Variants in ERC1 observed in about 807,000 individuals in gnomAD.
ERC1 encodes the protein ELKS/RAB6-interacting/CAST family member 1, also known as RAB6 interacting protein 2.
Under a neutral mutation model 132.0 loss-of-function variants are expected in ERC1, and 56 were observed. The ratio of observed to expected loss-of-function variants is 0.42; its 90% confidence interval spans 0.34 to 0.53. The LOEUF (loss-of-function observed/expected upper bound fraction) is 0.53. Among genes scored for constraint, ERC1 ranks in the 20% least tolerant of loss-of-function variants. The pLI, the probability that ERC1 is intolerant of heterozygous loss-of-function variation, is 0.03. For synonymous variants in ERC1, 478 were observed against 476.1 expected (o/e 1.00, Z -0.05); for missense variants, 1,202 against 1,349.9 (o/e 0.89, Z 1.72).
Position 1,451,425 on chromosome 12 carries a change from C to T in ERC1, c.3213+6675C>T, listed in dbSNP as rs191424822. Among the ~76,000 whole-genome samples, 71 of 152,098 alleles carry T rather than the reference C, an allele frequency of 4.7e-4. 1 individual carries two copies. Among genetic ancestry groups the T allele is most frequent in the Non-Finnish European group, 1.6e-4 (11 of 68,008 alleles). On this transcript the variant is annotated intron_variant, in intron 18 of 18. Coordinates refer to ENST00000360905, the MANE Select transcript of ERC1 (RefSeq NM_178040.4). ...GCCAGGAGTTCAAGACTAGCCTGGA[C>T]AACGGTGAAGCCCTTATCTCTACAA...
rs57334239 is a variant in ERC1, at chr12:1,289,084, TACACACACAC to T, written c.2620-730_2620-721del. 4.8e-3 allele frequency among the ~76,000 whole-genome samples: 498 copies of T among 102,882 alleles called. 4 individuals are homozygous for T. The highest frequency in any genetic ancestry group is 6.0e-3 in the Non-Finnish European group (312 of 51,850). 67.5% of individuals were successfully genotyped at this position (102,882 alleles called of 152,430 possible). ...TTCTGTCTCCTTTCTATCTGGTATG[TACACACACAC>T]ACACACACACACACACACACACACA... is the stretch of plus-strand genomic sequence containing the variant. On this transcript the variant is annotated intron_variant, in intron 14 of 18. Transcript: ENST00000360905.
At chr12:1,110,013 C>T (rs1012821293) in intron 4 of ERC1, among the ~76,000 whole-genome samples, 179 bp from the exon 5 acceptor site, 9 of 152,218 alleles carry the variant, frequency 5.9e-5, no homozygotes, top group Non-Finnish European at 1.3e-4. Context: ...CGTCACTGCA[C>T]TAGAGCCTGG....
At chr12:1,036,750 T>C (rs1969172740) in intron 2 of ERC1, among the ~76,000 whole-genome samples, 1 of 152,220 alleles carries the variant, frequency 6.6e-6, no homozygotes, top group African/African-American at 2.4e-5. Flanking sequence ...TTGGGATCTA[T>C]GTCTTAGATT....
intron 7 of ERC1, 93 bp from the exon 8 acceptor site, chr12:1,141,527 C>G: frequency 9.6e-7 from 1 of 1,038,086 alleles, no homozygotes; most frequent in Non-Finnish European, 1.3e-6. Flanking sequence ...TAACAAAACT[C>G]AACCTCTTTA....
intron 7 of ERC1, among the ~76,000 whole-genome samples, chr12:1,127,603 G>A (rs1765489696): frequency 6.6e-6 from 1 of 151,786 alleles, no homozygotes; most frequent in South Asian, 2.1e-4. Context: ...TACAAGTAGT[G>A]TGTTGTTTAA....
At chr12:1,073,639 ACT>A (rs150188591) in intron 2 of ERC1, among the ~76,000 whole-genome samples, 13,576 of 152,156 alleles carry the variant, frequency 0.089, 1,073 homozygotes, top group African/African-American at 0.21. Context: ...ACAGAGCGAG[ACT>A]CTGTCTCAAA....
intron 14 of ERC1, among the ~76,000 whole-genome samples, chr12:1,277,496 T>A (rs2078354884): frequency 6.6e-6 from 1 of 152,210 alleles, no homozygotes; most frequent in African/African-American, 2.4e-5. Context: ...TGGGTTACAT[T>A]TAATAGTTTA....
rs760138574 is a variant in ERC1, at chr12:1,478,622, T to C, written c.3214-11471T>C. ...TCCTGGCTAACACGGTGAAACCCCGTCTCTACTAAAAATACAAAAAACTAG... is the reference window on the plus strand; with the variant it reads ...TCCTGGCTAACACGGTGAAACCCCGCCTCTACTAAAAATACAAAAAACTAG... On this transcript the variant is annotated intron_variant, in intron 18 of 18. Transcript: ENST00000360905. Among the ~76,000 whole-genome samples the C allele has an allele frequency of 1.9e-4, 29 of 151,960 alleles. No individual in the cohort carries two copies. In the Middle Eastern group the frequency reaches 0.014, roughly 71 times the overall value.
intron 1 of ERC1, among the ~76,000 whole-genome samples, chr12:1,004,508 A>G (rs1432002683): frequency 6.9e-6 from 1 of 144,818 alleles, no homozygotes; most frequent in Admixed American, 7.3e-5. Flanking sequence ...CTGGGTTCAG[A>G]CAATTCTCCT....
chr12:1,126,053 T>A (rs1948126424), intron 7 of ERC1, among the ~76,000 whole-genome samples: 1 of 152,220 alleles, frequency 6.6e-6, no homozygotes, highest in Admixed American at 6.5e-5. Flanking sequence ...TTCTGGAGAT[T>A]GGTTGCACAA....
intron 1 of ERC1, among the ~76,000 whole-genome samples, chr12:994,108 A>G (rs1960284257): frequency 1.4e-5 from 2 of 145,832 alleles, no homozygotes; most frequent in Non-Finnish European, 3.0e-5. Context: ...GAAGGTTTTC[A>G]TAGCAACAGC....
At chr12:1,334,643 A>G (rs1364448866) in intron 15 of ERC1, among the ~76,000 whole-genome samples, 1 of 152,118 alleles carries the variant, frequency 6.6e-6, no homozygotes, top group Non-Finnish European at 1.5e-5. Flanking sequence ...GCCCTGTAGT[A>G]TAGTTTGAAG....
chr12:1,011,200 T>C (rs1038572633), intron 1 of ERC1, among the ~76,000 whole-genome samples: 1 of 152,148 alleles, frequency 6.6e-6, no homozygotes, highest in Non-Finnish European at 1.5e-5. Context: ...TTAACATTTT[T>C]CCTTTTTTTG....
At chr12:1,425,689 CT>C (rs572303711) in intron 17 of ERC1, among the ~76,000 whole-genome samples, 214 of 152,296 alleles carry the variant, frequency 1.4e-3, no homozygotes, top group Non-Finnish European at 2.5e-3. Context: ...GCCAAACTTA[CT>C]TTTTTTCTGA....
At chr12:1,230,679 T>C (rs949744408) in intron 12 of ERC1, among the ~76,000 whole-genome samples, 1 of 152,212 alleles carries the variant, frequency 6.6e-6, no homozygotes, top group African/African-American at 2.4e-5. Flanking sequence ...AGTCCTCTCT[T>C]GTTATTGTAT....
intron 1 of ERC1, among the ~76,000 whole-genome samples, chr12:1,019,656 A>G (rs1966038433): frequency 1.3e-5 from 2 of 152,208 alleles, no homozygotes; most frequent in South Asian, 2.1e-4. Flanking sequence ...GAATCATATT[A>G]GAAGATCATT....
intron 12 of ERC1, among the ~76,000 whole-genome samples, chr12:1,213,701 G>A (rs1293097786): frequency 6.9e-6 from 1 of 145,782 alleles, no homozygotes; most frequent in Non-Finnish European, 1.5e-5. Flanking sequence ...CACTGCCACT[G>A]CACTCCACCC....
chr12:1,212,722 A>G (rs1389421803), intron 12 of ERC1, among the ~76,000 whole-genome samples: 2 of 152,100 alleles, frequency 1.3e-5, no homozygotes, highest in African/African-American at 4.8e-5. Flanking sequence ...CGCCTTGCAG[A>G]TTGACTCCCA....
At chr12:1,143,129 C>A (rs1419222980) in intron 8 of ERC1, among the ~76,000 whole-genome samples, 2 of 152,158 alleles carry the variant, frequency 1.3e-5, no homozygotes, top group Non-Finnish European at 2.9e-5. Context: ...TTTTGAAGTC[C>A]ATGGCCTCAA....
Sources: allele counts gnomAD v4.1 joint callset (sites outside exome capture counted in the v4.1 genomes callset), GRCh38; gene constraint gnomAD v4.1.1; transcripts MANE v1.5; gene names NCBI Gene and HGNC (gene_info 2026-07-23, HGNC 2026-07-21).